Variants in HDAC9 observed in about 807,000 individuals in gnomAD.
HDAC9 encodes the protein histone deacetylase 9.
A neutral mutation model predicts 139.4 loss-of-function variants in HDAC9; 41 were observed. The observed-to-expected ratio is 0.29, with a 90% CI of 0.23 to 0.38. The LOEUF (loss-of-function observed/expected upper bound fraction) is 0.38, where lower values mean the gene tolerates loss of function less well. Ranked by LOEUF, HDAC9 falls within the 10% of genes least tolerant of loss-of-function variation. HDAC9 has a pLI of 1.00. For synonymous variants in HDAC9, 517 were observed against 476.2 expected (o/e 1.09, Z -1.12); for missense variants, 1,147 against 1,297.0 (o/e 0.88, Z 1.78).
intron 2 of HDAC9, among the ~76,000 whole-genome samples, chr7:18,504,930 A>T (rs961267551): frequency 1.3e-5 from 2 of 152,242 alleles, no homozygotes; most frequent in African/African-American, 4.8e-5. Context: ...GGTACTAAAA[A>T]TGTGGACACA....
chr7:18,665,601 T>G (rs1244282325), intron 11 of HDAC9, among the ~76,000 whole-genome samples: 2 of 152,132 alleles, frequency 1.3e-5, no homozygotes, highest in African/African-American at 4.8e-5. Context: ...TCATAAAACA[T>G]CTTATTGTTA....
At chr7:18,115,342 T>C in intron 1 of HDAC9, among the ~76,000 whole-genome samples, 1 of 152,136 alleles carries the variant, frequency 6.6e-6, no homozygotes, top group Non-Finnish European at 1.5e-5. Flanking sequence ...GTATTCACAT[T>C]TGCAAAAATA....
rs1283947307 is a variant in HDAC9 at position 18,975,915 on chromosome 7, A to T, written c.3132A>T (p.Thr1044=). Reference sequence around the variant, plus strand: ...CCGTTTCTGCCCTGGCCTCCCTAACAGTGGATGTGGAACAGCCCTTTGCTC... The same window carrying T: ...CCGTTTCTGCCCTGGCCTCCCTAACTGTGGATGTGGAACAGCCCTTTGCTC... The part of the protein sequence containing the change: ...TETVSALASL[T]VDVEQPFAQE... Residue 1044 remains threonine, a synonymous_variant, in exon 25 of 26, where the codon ACA becomes ACT. Coordinates refer to ENST00000686413, the MANE Select transcript of HDAC9 (RefSeq NM_178425.4). The T allele has an allele frequency of 5.6e-6, 9 of 1,613,768 alleles. No homozygotes were observed. The highest frequency in any genetic ancestry group is 3.3e-5 in the Admixed American group (2 of 59,952).
chr7:18,869,598 G>C (rs1279591936), intron 21 of HDAC9, among the ~76,000 whole-genome samples: 1 of 152,068 alleles, frequency 6.6e-6, no homozygotes, highest in Non-Finnish European at 1.5e-5. Context: ...TAAAGAGACT[G>C]AGTCCTCAAC....
At chr7:18,902,151 A>T (rs927699016) in intron 22 of HDAC9, among the ~76,000 whole-genome samples, 3 of 152,220 alleles carry the variant, frequency 2.0e-5, no homozygotes, top group African/African-American at 7.2e-5. Flanking sequence ...TGTCTTCCTT[A>T]AGGATGACAA....
chr7:18,423,201 A>T (rs1033312501), intron 1 of HDAC9, among the ~76,000 whole-genome samples: 17 of 152,200 alleles, frequency 1.1e-4, no homozygotes, highest in Non-Finnish European at 1.9e-4. Context: ...ATTTTTATGA[A>T]TGTTTAAAAT....
intron 14 of HDAC9, among the ~76,000 whole-genome samples, chr7:18,751,609 G>A (rs557831150): frequency 6.6e-5 from 10 of 152,006 alleles, no homozygotes; most frequent in Non-Finnish European, 1.5e-4. Context: ...AACATGAAAT[G>A]GAACTTCTAA....
chr7:18,452,451 G>C lies in HDAC9; in HGVS notation c.-41-43811G>C, dbSNP rs1490513073. On this transcript the variant is annotated intron_variant, in intron 1 of 3. Coordinates refer to the HDAC9 transcript ENST00000413509. ...GGAGTGTGGGCTTGATTTGTCAAAG[G>C]ACCTTTGTGGGAAACTACAGGTGGG... Among the ~76,000 whole-genome samples, 4 of 152,136 alleles carry C rather than the reference G, an allele frequency of 2.6e-5. No homozygotes were observed. In the South Asian group the frequency reaches 8.3e-4, roughly 32 times the overall value.
At chr7:18,616,318 A>G (rs185508970) in intron 6 of HDAC9, among the ~76,000 whole-genome samples, 13 of 152,200 alleles carry the variant, frequency 8.5e-5, no homozygotes, top group African/African-American at 2.9e-4. Context: ...TTTCGTTAAG[A>G]TGGTGTTTTC....
intron 1 of HDAC9, among the ~76,000 whole-genome samples, chr7:18,332,386 TGTGTGTGAGAGAGA>T (rs1562886730): frequency 1.6e-4 from 22 of 141,002 alleles, no homozygotes; most frequent in Non-Finnish European, 3.2e-5. Flanking sequence ...TGTGTGTGTG[TGTGTGTGAGAGAGA>T]GAGAGAGAGA....
intron 1 of HDAC9, among the ~76,000 whole-genome samples, chr7:18,110,250 A>G (rs1220240097): frequency 6.6e-6 from 1 of 152,198 alleles, no homozygotes; most frequent in Non-Finnish European, 1.5e-5. Context: ...TTTGGTAGAT[A>G]TAGTCTATTT....
At chr7:18,468,464 G>A (rs2128117444) in intron 1 of HDAC9, among the ~76,000 whole-genome samples, 1 of 151,824 alleles carries the variant, frequency 6.6e-6, no homozygotes, top group South Asian at 2.1e-4. Flanking sequence ...GGGTCCTGCT[G>A]TGTTGCCCAG....
chr7:18,284,050 C>G (rs1797276067), intron 2 of HDAC9, among the ~76,000 whole-genome samples: 1 of 152,054 alleles, frequency 6.6e-6, no homozygotes, highest in South Asian at 2.1e-4. Flanking sequence ...CATTCATTTC[C>G]TTAAGTGCTA....
intron 22 of HDAC9, 115 bp from the exon 23 acceptor site, chr7:18,935,694 A>G: frequency 1.1e-6 from 1 of 882,556 alleles, no homozygotes; most frequent in Non-Finnish European, 1.8e-6. Flanking sequence ...TGGATGAGTT[A>G]GCACACAGAA....
chr7:18,099,305 C>T (rs1347924432), intron 1 of HDAC9, among the ~76,000 whole-genome samples: 1 of 151,690 alleles, frequency 6.6e-6, no homozygotes, highest in Non-Finnish European at 1.5e-5. Flanking sequence ...ACTAAAAATA[C>T]AAAAAAGAAA....
At chr7:18,638,907 C>T (rs1242761303) in intron 8 of HDAC9, among the ~76,000 whole-genome samples, 1 of 151,996 alleles carries the variant, frequency 6.6e-6, no homozygotes, top group Admixed American at 6.6e-5. Flanking sequence ...GATGTCTTTA[C>T]CTATCTAGTT....
chr7:18,128,140 C>T (rs1213825238), intron 1 of HDAC9, among the ~76,000 whole-genome samples: 2 of 152,054 alleles, frequency 1.3e-5, no homozygotes, highest in Admixed American at 1.3e-4. Context: ...TCCAAGCCAG[C>T]ACCTTATGTT....
At chr7:18,668,959 T>G (rs1353368620) in intron 12 of HDAC9, 1 of 878,662 alleles carries the variant, frequency 1.1e-6, no homozygotes, top group African/African-American at 1.8e-5. Context: ...AACAAGAAAA[T>G]AAAGACATTT....
At chr7:18,921,987 C>A (rs1803780918) in intron 22 of HDAC9, among the ~76,000 whole-genome samples, 1 of 148,070 alleles carries the variant, frequency 6.8e-6, no homozygotes, top group African/African-American at 2.5e-5. Context: ...GACAAAAAAC[C>A]AAACACCGCA....
Sources: gnomAD v4.1 joint callset for allele counts (sites outside exome capture counted in the v4.1 genomes callset) on GRCh38, gnomAD v4.1.1 for gene constraint, MANE v1.5 for transcripts, NCBI Gene and HGNC (gene_info 2026-07-23, HGNC 2026-07-21) for gene names.